MIDEAS: variants seen among roughly 807,000 people sequenced by gnomAD.
MIDEAS encodes the protein mitotic deacetylase-associated SANT domain protein.
In MIDEAS, 26 loss-of-function variants were observed where a neutral mutation model predicts 102.7. The ratio of observed to expected loss-of-function variants is 0.25; its 90% CI spans 0.19 to 0.35. The LOEUF is 0.35. MIDEAS is among the 10% of genes least tolerant of loss of function. MIDEAS has a pLI of 1.00. For synonymous variants in MIDEAS, 585 were observed against 591.0 expected, an observed-to-expected ratio of 0.99 and a Z score of 0.15; for missense variants, 1,231 against 1,435.6, an observed-to-expected ratio of 0.86 and a Z score of 2.30.
chr14:73,752,857 G>T (rs910489863), intron 1 of MIDEAS, among the ~76,000 whole-genome samples: 12 of 152,192 alleles, frequency 7.9e-5, no homozygotes, highest in African/African-American at 2.7e-4. Context: ...GGCACAGCAT[G>T]CGGGCACAGC....
chr14:73,735,764 T>A (rs574119856), intron 3 of MIDEAS, among the ~76,000 whole-genome samples: 4 of 152,238 alleles, frequency 2.6e-5, no homozygotes, highest in Non-Finnish European at 5.9e-5. Flanking sequence ...GTGCATTATT[T>A]GGGGAATAGA....
At chr14:73,733,391 C>G (rs985635734) in intron 3 of MIDEAS, among the ~76,000 whole-genome samples, 6 of 152,176 alleles carry the variant, frequency 3.9e-5, no homozygotes, top group African/African-American at 1.2e-4. Flanking sequence ...AATTCAAGAC[C>G]AGCCAGGCCA....
upstream of MIDEAS, chr14:73,790,268 C>G (rs1444894356): frequency 2.0e-5 from 3 of 152,166 alleles, no homozygotes; most frequent in African/African-American, 7.2e-5. Flanking sequence ...CATCCCTGAC[C>G]AGGGCAGGAA....
At chr14:73,780,363 G>A (rs1255055412) in intron 1 of MIDEAS, among the ~76,000 whole-genome samples, 2 of 152,200 alleles carry the variant, frequency 1.3e-5, no homozygotes, top group African/African-American at 2.4e-5. Flanking sequence ...CATGGAAGCT[G>A]TGCTGACCAC....
chr14:73,742,935 TTTA>T lies in MIDEAS; in HGVS notation c.-247-2683_-247-2681del, dbSNP rs758297281. On this transcript the variant is annotated intron_variant, in intron 1 of 12. Coordinates refer to ENST00000423556, the MANE Select transcript of MIDEAS (RefSeq NM_001367710.1). The surrounding 1 kb of genome is among the most constrained non-coding windows in gnomAD (Gnocchi z 4.4). Reference sequence around the variant, plus strand: ...CCCGTGCCAGGCAGATCCTACGTGCTTTATATCCTTTAAATTCCCACCATGGCC... The same window carrying T: ...CCCGTGCCAGGCAGATCCTACGTGCTTATCCTTTAAATTCCCACCATGGCC... 1.6e-4 allele frequency among the ~76,000 whole-genome samples: 24 copies of T among 152,158 alleles called. No individual in the cohort carries two copies. Among genetic ancestry groups the T allele is most frequent in the Non-Finnish European group, 3.4e-4 (23 of 68,010 alleles).
chr14:73,756,366 G>C (rs557636963), intron 1 of MIDEAS, among the ~76,000 whole-genome samples: 1 of 152,120 alleles, frequency 6.6e-6, no homozygotes, highest in East Asian at 1.9e-4. Flanking sequence ...CAACATTAAA[G>C]TTATGCTGTA....
chr14:73,782,602 T>C (rs1595304063), intron 1 of MIDEAS, among the ~76,000 whole-genome samples: 1 of 152,206 alleles, frequency 6.6e-6, no homozygotes, highest in East Asian at 1.9e-4. Flanking sequence ...AGTGCTGGGA[T>C]TATTGGCATA....
intron 3 of MIDEAS, among the ~76,000 whole-genome samples, chr14:73,730,355 T>C (rs928935313): frequency 1.3e-5 from 2 of 152,212 alleles, no homozygotes; most frequent in African/African-American, 4.8e-5. Context: ...GTAAAGTGTG[T>C]GACAGGGCAG....
chr14:73,721,394 G>A lies in MIDEAS; in HGVS notation c.2840C>T (p.Pro947Leu), dbSNP rs1476774360. 5 of 1,613,934 alleles carry A rather than the reference G, an allele frequency of 3.1e-6. No individual in the cohort carries two copies. The highest frequency in any genetic ancestry group is 1.1e-5 in the South Asian group (1 of 91,070). ...CTGCTCCTCCTTCTCTTGGATCTCT[G>A]GCACCTCCTCCTCCCCCTCCTTCCT... ...EPRKEGEEEVPEIQEKEEQEE... is the reference protein window; with the variant it reads ...EPRKEGEEEVLEIQEKEEQEE... The change falls in exon 11 of 13, where the codon CCA (proline) becomes CTA (leucine). Residue 947 changes from proline (P) to leucine (L), a missense_variant. Physicochemically the swap from Pro to Leu is moderately conservative, Grantham distance 98. This residue lies in a region of MIDEAS where 391 missense variants were observed against 483.0 expected (regional missense o/e 0.81). Coordinates refer to ENST00000423556, the MANE Select transcript of MIDEAS (RefSeq NM_001367710.1).
rs1361474845 is a variant in MIDEAS at position 73,729,693 on chromosome 14, G to C, written c.2042C>G (p.Pro681Arg). 7.4e-6 allele frequency: 12 copies of C among 1,613,808 alleles called. No homozygotes were observed. The highest frequency in any genetic ancestry group is 9.3e-6 in the Non-Finnish European group (11 of 1,180,022). ...CTTAGGCGTGATGGGAGGAGGGGCA[G>C]GGATGGTGCTGGTTGATATGATGGC... ...FNAIISTSTI[P>R]APPPITPKSA... The change falls in exon 4 of 13, where the codon CCT (proline) becomes CGT (arginine). Residue 681 changes from proline to arginine, a missense_variant. Pro to Arg is a moderately radical substitution (Grantham distance 103, BLOSUM62 -2). Coordinates refer to ENST00000423556, the MANE Select transcript of MIDEAS (RefSeq NM_001367710.1).
intron 1 of MIDEAS, among the ~76,000 whole-genome samples, chr14:73,768,638 C>T (rs1259084005): frequency 6.6e-6 from 1 of 151,878 alleles, no homozygotes; most frequent in Non-Finnish European, 1.5e-5. Flanking sequence ...GTGTGCACCA[C>T]CACGCCTGGC....
upstream of MIDEAS, chr14:73,760,408 T>C (rs12878085): frequency 0.19 from 28,668 of 152,206 alleles, 3,592 homozygotes; most frequent in Non-Finnish European, 0.27. The surrounding 1 kb of genome is among the most constrained non-coding windows in gnomAD (Gnocchi z 4.8). Context: ...CGGCCGGGGC[T>C]GGGGATTTCC....
Position 73,729,913 on chromosome 14 carries a change from G to A in MIDEAS, c.1822C>T (p.Pro608Ser). The A allele has an allele frequency of 6.2e-7, 1 of 1,611,732 alleles. No homozygotes were observed. The highest frequency in any genetic ancestry group is 8.5e-7 in the Non-Finnish European group (1 of 1,178,430). ...CCCGCCTTGGTGGGGATGATGAGGG[G>A]CTCGGGCCTGGGCCGCTGCTTTGGT... ...RKPKQRPRPE[P>S]LIIPTKAGTF... The change falls in exon 4 of 13, where the codon CCC becomes TCC. Residue 608 changes from proline (P) to serine (S), a missense_variant. Around this residue, in one of 5 missense-constraint regions of MIDEAS, gnomAD observed 758 missense variants for 856.0 expected, o/e 0.89. Coordinates refer to ENST00000423556, the MANE Select transcript of MIDEAS (RefSeq NM_001367710.1).
In MIDEAS at chr14:73,717,187, G is replaced by A. The variant is rs1595245431; in HGVS notation, c.*1656C>T. 2 of 152,102 alleles carry A rather than the reference G, an allele frequency of 1.3e-5. No homozygotes were observed. The highest frequency in any genetic ancestry group is 2.4e-5 in the African/African-American group (1 of 41,332). The allele number at this position is 152,102 out of a possible 1,614,324, so 9.4% of individuals were successfully genotyped here. On this transcript the variant is annotated 3_prime_UTR_variant, in exon 13 of 13. Transcript: ENST00000423556. ...ATGATGCTTCTTGGCTATCTCATAA[G>A]GAGTAGCAGTATGAATACTTTCTGG...
chr14:73,784,003 T>C (rs1352168407), intron 1 of MIDEAS, among the ~76,000 whole-genome samples: 1 of 152,208 alleles, frequency 6.6e-6, no homozygotes, highest in African/African-American at 2.4e-5. Context: ...AGCCTCCCTT[T>C]GAAGACCACC....
intron 12 of MIDEAS, 126 bp from the exon 13 acceptor site, chr14:73,719,134 G>A (rs2052944041): frequency 2.1e-6 from 3 of 1,461,910 alleles, no homozygotes; most frequent in East Asian, 2.5e-5. Context: ...GCCAGCTCGC[G>A]TCATTTTCCG....
chr14:73,767,468 T>C (rs559104245), intron 1 of MIDEAS, among the ~76,000 whole-genome samples: 10 of 151,818 alleles, frequency 6.6e-5, no homozygotes, highest in African/African-American at 2.2e-4. Flanking sequence ...AAGACCTGTC[T>C]CGAAAAAAAA....
At chr14:73,723,921 C>T (rs2053028657) in intron 9 of MIDEAS, 1 of 152,124 alleles carries the variant, frequency 6.6e-6, no homozygotes. Context: ...TGTCCCCTGT[C>T]GGGGGAGGAA....
At chr14:73,773,535 C>A (rs749651625) in intron 1 of MIDEAS, among the ~76,000 whole-genome samples, 1 of 151,854 alleles carries the variant, frequency 6.6e-6, no homozygotes, top group Admixed American at 6.6e-5. Context: ...CCAAGCTGAT[C>A]TTCCAGGGGC....
Sources: allele counts gnomAD v4.1 joint callset (sites outside exome capture counted in the v4.1 genomes callset), GRCh38; gene constraint gnomAD v4.1.1; regional missense constraint gnomAD v4.1.1; non-coding constraint Gnocchi (gnomAD v3.1); transcripts MANE v1.5; gene names NCBI Gene and HGNC (gene_info 2026-07-23, HGNC 2026-07-21).